The following TTC6 variants were observed in gnomAD, a reference collection of about 807,000 sequenced individuals.
The protein encoded by TTC6 is tetratricopeptide repeat domain 6, also known as tetratricopeptide repeat protein 6.
A neutral mutation model predicts 210.4 loss-of-function variants in TTC6; 172 were observed. The observed-to-expected ratio is 0.82, with a 90% CI of 0.72 to 0.93. The LOEUF (loss-of-function observed/expected upper bound fraction) is 0.93. TTC6 is among the 40% of genes least tolerant of loss of function. TTC6 has a pLI of 0.00. For synonymous variants in TTC6, 804 were observed against 819.6 expected (o/e 0.98, Z 0.32); for missense variants, 2,414 against 2,318.1 (o/e 1.04, Z -0.85).
exon 2 of TTC6, chr14:37,606,668 C>G (rs1363707085): frequency 1.0e-6 from 1 of 964,530 alleles, no homozygotes; most frequent in Non-Finnish European, 1.2e-6. Flanking sequence ...CCTAGGAAAA[C>G]CCTTTCCTGT....
chr14:37,835,660 A>G lies in TTC6; in HGVS notation c.5299-5785A>G, dbSNP rs142450611. 9.9e-4 allele frequency among the ~76,000 whole-genome samples: 151 copies of G among 152,338 alleles called. 3 individuals are homozygous for G. Among genetic ancestry groups the G allele is most frequent in the African/African-American group, 3.4e-3 (140 of 41,592 alleles). On this transcript the variant is annotated intron_variant, in intron 29 of 30. Transcript: ENST00000553443. ...AACAGTGGGAGTGAACGGTGAAGAA[A>G]GAAAGACAAGATGGCTAGAAGTTTT...
At chr14:37,651,594 A>T (rs1345905685) in intron 1 of TTC6, among the ~76,000 whole-genome samples, 3 of 151,792 alleles carry the variant, frequency 2.0e-5, no homozygotes, top group Non-Finnish European at 4.4e-5. Context: ...AATAAAAGGA[A>T]CATTTCTGCA....
intron 7 of TTC6, among the ~76,000 whole-genome samples, chr14:37,732,575 T>C (rs2095890047): frequency 6.6e-6 from 1 of 152,062 alleles, no homozygotes; most frequent in African/African-American, 2.4e-5. Flanking sequence ...TACTATTAAC[T>C]AAGTGGAAGT....
intron 2 of TTC6, among the ~76,000 whole-genome samples, chr14:37,682,536 T>G (rs1391868590): frequency 1.3e-5 from 2 of 152,198 alleles, no homozygotes; most frequent in Non-Finnish European, 2.9e-5. Flanking sequence ...GGCTGTAGTT[T>G]CTGAGACAAG....
intron 1 of TTC6, among the ~76,000 whole-genome samples, chr14:37,627,514 T>C (rs1053795076): frequency 6.6e-6 from 1 of 151,436 alleles, no homozygotes; most frequent in Non-Finnish European, 1.5e-5. Context: ...CCATGTGTTC[T>C]CATTGTTCAA....
At chr14:37,727,850 G>A (rs971566942) in intron 7 of TTC6, among the ~76,000 whole-genome samples, 15 of 138,320 alleles carry the variant, frequency 1.1e-4, no homozygotes, top group Non-Finnish European at 1.3e-4. Flanking sequence ...CCTTATTAGC[G>A]TAAAAATATA....
intron 4 of TTC6, among the ~76,000 whole-genome samples, chr14:37,699,420 C>T (rs1595121839): frequency 6.6e-6 from 1 of 152,162 alleles, no homozygotes; most frequent in African/African-American, 2.4e-5. Context: ...GTGTTTGAAC[C>T]CAGGCAGTCT....
exon 1 of TTC6, chr14:37,622,709 G>A: frequency 6.5e-7 from 1 of 1,535,090 alleles, no homozygotes; most frequent in Non-Finnish European, 8.7e-7. Flanking sequence ...ACGGCTACAT[G>A]GAGGCCAGCA....
At chr14:37,647,652 C>T (rs78784248) in intron 1 of TTC6, among the ~76,000 whole-genome samples, 1 of 152,100 alleles carries the variant, frequency 6.6e-6, no homozygotes, top group East Asian at 1.9e-4. Flanking sequence ...AATATGCAGT[C>T]AGTTATAATT....
upstream of TTC6, among the ~76,000 whole-genome samples, chr14:37,620,180 AT>A (rs1438070027): frequency 6.6e-6 from 1 of 152,130 alleles, no homozygotes. Flanking sequence ...TGATAGGACC[AT>A]TTTGGTACAA....
chr14:37,660,256 G>A (rs1353085217), intron 1 of TTC6, among the ~76,000 whole-genome samples: 3 of 151,622 alleles, frequency 2.0e-5, no homozygotes, highest in African/African-American at 4.9e-5. Context: ...TCTGGGATAC[G>A]TGTGCAGGAT....
intron 10 of TTC6, among the ~76,000 whole-genome samples, chr14:37,743,622 A>T (rs2138980873): frequency 6.6e-6 from 1 of 152,318 alleles, no homozygotes; most frequent in South Asian, 2.1e-4. Context: ...GAAACCTTGA[A>T]ATTATATACA....
At chr14:37,678,134 T>C (rs1035201944) in intron 1 of TTC6, among the ~76,000 whole-genome samples, 3 of 152,032 alleles carry the variant, frequency 2.0e-5, no homozygotes, top group East Asian at 3.9e-4. Flanking sequence ...CTTTAAAGAG[T>C]GTTGGAGTTT....
rs1312312057 is a variant in TTC6 at position 37,807,310 on chromosome 14, C to T, written c.4315-10C>T. On this transcript the variant is annotated splice_polypyrimidine_tract_variant and intron_variant, in intron 22 of 30. Coordinates refer to ENST00000553443, the Ensembl canonical transcript of TTC6. ...ATCCATTCCTGCTTTCTCTCTCTCT[C>T]TCTGAATAGGCATATTTAAGCCGAG... The T allele has an allele frequency of 4.6e-6, 7 of 1,505,646 alleles. No homozygotes were observed. Among genetic ancestry groups the T allele is most frequent in the Non-Finnish European group, 6.2e-6 (7 of 1,125,442 alleles). 93.3% of individuals were successfully genotyped at this position (1,505,646 alleles called of 1,614,324 possible).
At chr14:37,710,212 G>T (rs1451115426) in intron 5 of TTC6, among the ~76,000 whole-genome samples, 5 of 152,140 alleles carry the variant, frequency 3.3e-5, no homozygotes, top group Non-Finnish European at 5.9e-5. Flanking sequence ...TTAAGGAAGA[G>T]ATAGTGAAGC....
At chr14:37,737,328 A>G (rs947002630) in intron 8 of TTC6, among the ~76,000 whole-genome samples, 1 of 152,140 alleles carries the variant, frequency 6.6e-6, no homozygotes. Flanking sequence ...TATCTGTCAC[A>G]CATTCACACA....
intron 1 of TTC6, among the ~76,000 whole-genome samples, chr14:37,656,855 T>G (rs2095724525): frequency 6.6e-6 from 1 of 151,954 alleles, no homozygotes; most frequent in Non-Finnish European, 1.5e-5. Context: ...CTAGGGGTGG[T>G]TGATCCTAAA....
exon 1 of TTC6, chr14:37,622,578 C>T (rs938760473): frequency 1.3e-6 from 2 of 1,534,128 alleles, no homozygotes; most frequent in Non-Finnish European, 1.7e-6. Context: ...GAGCTCGCGG[C>T]ACGCGGCTCC....
intron 1 of TTC6, among the ~76,000 whole-genome samples, chr14:37,600,574 A>G (rs1471885752): frequency 6.6e-6 from 1 of 151,882 alleles, no homozygotes; most frequent in Non-Finnish European, 1.5e-5. Flanking sequence ...ATATGTGATT[A>G]CCCTCAAATT....
Sources: allele counts gnomAD v4.1 joint callset (sites outside exome capture counted in the v4.1 genomes callset), GRCh38; gene constraint gnomAD v4.1.1; transcripts MANE v1.5; gene names NCBI Gene and HGNC (gene_info 2026-07-23, HGNC 2026-07-21).